Variants in MACROD2 observed in about 807,000 individuals in gnomAD.
MACROD2 encodes ADP-ribose glycohydrolase MACROD2.
In MACROD2, 36 loss-of-function variants were observed where a neutral mutation model predicts 70.4. The ratio of observed to expected loss-of-function variants is 0.51; its 90% CI spans 0.39 to 0.68. MACROD2 has a LOEUF of 0.68. Among genes scored for constraint, MACROD2 ranks in the 30% least tolerant of loss-of-function variants. The probability of loss-of-function intolerance (pLI) is 0.00; values close to 1 mark genes in which losing one functional copy is unlikely to be tolerated. For synonymous variants in MACROD2, 172 were observed against 178.8 expected, an observed-to-expected ratio of 0.96 and a Z score of 0.30; for missense variants, 496 against 538.4, an observed-to-expected ratio of 0.92 and a Z score of 0.78.
intron 3 of MACROD2, among the ~76,000 whole-genome samples, chr20:14,158,066 G>A (rs547577441): frequency 1.3e-5 from 2 of 152,112 alleles, no homozygotes; most frequent in East Asian, 3.9e-4. Context: ...CTTTTTCTGT[G>A]TATCCTTGCT....
At chr20:14,230,338 G>C (rs1231194763) in intron 3 of MACROD2, among the ~76,000 whole-genome samples, 9 of 151,990 alleles carry the variant, frequency 5.9e-5, no homozygotes, top group Admixed American at 4.6e-4. Flanking sequence ...CTAAATTTGT[G>C]GGATATTCTA....
chr20:14,576,578 A>G lies in MACROD2; in HGVS notation c.301+83070A>G, dbSNP rs555913155. ...ATGCAAAATATGGAGGTCCCAAGTC[A>G]AGAATAAGCTAAACGACTTTGCCTT... On this transcript the variant is annotated intron_variant, in intron 4 of 17. Coordinates refer to ENST00000684519, the MANE Select transcript of MACROD2 (RefSeq NM_001351661.2). Among the ~76,000 whole-genome samples, 4 of 152,320 alleles carry G rather than the reference A, an allele frequency of 2.6e-5. No individual in the cohort carries two copies. The East Asian group carries it at 7.7e-4, about 29-fold the overall frequency.
chr20:14,827,429 G>T (rs565659176), intron 5 of MACROD2, among the ~76,000 whole-genome samples: 1 of 152,148 alleles, frequency 6.6e-6, no homozygotes, highest in African/African-American at 2.4e-5. Context: ...TTCCACATAT[G>T]GCATGGATGC....
At chr20:15,315,665 A>T (rs1293022494) in intron 6 of MACROD2, among the ~76,000 whole-genome samples, 1 of 152,240 alleles carries the variant, frequency 6.6e-6, no homozygotes, top group Non-Finnish European at 1.5e-5. Context: ...GGAAGTTAAT[A>T]GTAGACCTGC....
At chr20:14,577,160 T>A (rs1326229636) in intron 4 of MACROD2, among the ~76,000 whole-genome samples, 3 of 152,198 alleles carry the variant, frequency 2.0e-5, no homozygotes, top group South Asian at 2.1e-4. Context: ...GTTTTAAATC[T>A]AAGGCCACTG....
intron 3 of MACROD2, among the ~76,000 whole-genome samples, chr20:14,354,468 CA>C (rs1254197743): frequency 6.6e-6 from 1 of 152,008 alleles, no homozygotes; most frequent in Non-Finnish European, 1.5e-5. Context: ...AGGTGGATAT[CA>C]GCCTTTGCTT....
In MACROD2 at chr20:14,816,222, C is replaced by T. The variant is rs192062419; in HGVS notation, c.418+131263C>T. 1.3e-3 allele frequency among the ~76,000 whole-genome samples: 200 copies of T among 151,934 alleles called. 3 individuals carry two copies. The highest frequency in any genetic ancestry group is 2.8e-3 in the Admixed American group (42 of 15,224). ...GGATGGAAGGAGAGTTTATCAAAAG[C>T]GAAAAAATAAACAGATGAGGGATAT... On this transcript the variant is annotated intron_variant, in intron 5 of 17. Transcript: ENST00000684519.
chr20:15,835,537 T>A (rs1009662460), intron 8 of MACROD2, among the ~76,000 whole-genome samples: 4 of 152,136 alleles, frequency 2.6e-5, no homozygotes, highest in South Asian at 2.1e-4. Flanking sequence ...TGTAGTAAAT[T>A]AGTAATAATA....
chr20:15,388,367 T>C (rs965046099), intron 6 of MACROD2, among the ~76,000 whole-genome samples: 10 of 152,176 alleles, frequency 6.6e-5, no homozygotes, highest in Non-Finnish European at 1.3e-4. Context: ...CTGTCTCCCT[T>C]AAATACAATG....
chr20:14,729,205 A>G (rs1202004315), intron 5 of MACROD2, among the ~76,000 whole-genome samples: 1 of 152,178 alleles, frequency 6.6e-6, no homozygotes, highest in African/African-American at 2.4e-5. Context: ...AAATTATACA[A>G]ATATCATAGA....
chr20:14,731,752 C>A (rs1388371895), intron 5 of MACROD2, among the ~76,000 whole-genome samples: 1 of 152,076 alleles, frequency 6.6e-6, no homozygotes. Flanking sequence ...CTCTTTCTCT[C>A]TTAAATGCAT....
At chr20:15,340,130 CT>C (rs869080087) in intron 6 of MACROD2, among the ~76,000 whole-genome samples, 44 of 39,310 alleles carry the variant, frequency 1.1e-3, no homozygotes, top group South Asian at 9.8e-3. Context: ...TTCTTTCTTT[CT>C]TTTTTTTTTT....
intron 4 of MACROD2, among the ~76,000 whole-genome samples, chr20:14,626,375 T>C (rs113142196): frequency 0.015 from 2,312 of 152,210 alleles, 60 homozygotes; most frequent in African/African-American, 0.053. Flanking sequence ...CTTTCAGATA[T>C]AGTATATAGC....
intron 5 of MACROD2, among the ~76,000 whole-genome samples, chr20:14,724,476 A>G (rs948817235): frequency 1.1e-4 from 16 of 152,216 alleles, no homozygotes; most frequent in Non-Finnish European, 2.2e-4. Context: ...ACTGAAAGGA[A>G]ATAAGCAACA....
chr20:15,089,951 A>G (rs6043089), intron 5 of MACROD2, among the ~76,000 whole-genome samples: 3,100 of 152,180 alleles, frequency 0.02, 128 homozygotes, highest in African/African-American at 0.071. Flanking sequence ...TTGAAAAATT[A>G]TGTAGCCATA....
chr20:15,546,299 G>A (rs373467939), intron 8 of MACROD2, among the ~76,000 whole-genome samples: 32 of 152,284 alleles, frequency 2.1e-4, no homozygotes, highest in East Asian at 1.9e-3. Context: ...CTTCTTGAAC[G>A]TCTGCAGAGA....
At chr20:15,523,377 T>C (rs1390466509) in intron 8 of MACROD2, among the ~76,000 whole-genome samples, 2 of 152,236 alleles carry the variant, frequency 1.3e-5, no homozygotes, top group Non-Finnish European at 2.9e-5. Flanking sequence ...TTTTATGCTG[T>C]AATCTGATTT....
intron 5 of MACROD2, among the ~76,000 whole-genome samples, chr20:14,728,650 C>T (rs886301755): frequency 2.0e-5 from 3 of 152,132 alleles, no homozygotes; most frequent in Non-Finnish European, 4.4e-5. Context: ...CTGGTCAATA[C>T]AGTAATTTCA....
At chr20:15,583,181 C>A (rs1404610770) in intron 8 of MACROD2, among the ~76,000 whole-genome samples, 1 of 152,180 alleles carries the variant, frequency 6.6e-6, no homozygotes, top group Non-Finnish European at 1.5e-5. Context: ...GCCTGCTCTA[C>A]CTTCAATGGC....
Sources: allele counts gnomAD v4.1 joint callset (sites outside exome capture counted in the v4.1 genomes callset), GRCh38; gene constraint gnomAD v4.1.1; transcripts MANE v1.5; gene names NCBI Gene and HGNC (gene_info 2026-07-23, HGNC 2026-07-21).